Variants in FHIT observed in about 807,000 individuals in gnomAD.
The protein encoded by FHIT is bis(5'-adenosyl)-triphosphatase.
Under a neutral mutation model 17.9 loss-of-function variants are expected in FHIT, and 19 were observed. The ratio of observed to expected loss-of-function variants is 1.06; its 90% CI spans 0.74 to 1.56. FHIT has a LOEUF of 1.56. Among genes scored for constraint, FHIT ranks in the 40% most tolerant of loss-of-function variants. The pLI is 0.00. For missense variants in FHIT, 248 were observed against 189.2 expected, an observed-to-expected ratio of 1.31 and a Z score of -1.82; for synonymous variants, 81 against 69.7, an observed-to-expected ratio of 1.16 and a Z score of -0.81.
chr3:60,084,143 T>C (rs1703403218), intron 5 of FHIT, among the ~76,000 whole-genome samples: 1 of 152,160 alleles, frequency 6.6e-6, no homozygotes, highest in Non-Finnish European at 1.5e-5. Flanking sequence ...GAAAGGATAA[T>C]ACTGAAAGGT....
intron 3 of FHIT, among the ~76,000 whole-genome samples, chr3:60,873,060 G>A (rs1179552612): frequency 6.6e-6 from 1 of 152,042 alleles, no homozygotes; most frequent in Non-Finnish European, 1.5e-5. Flanking sequence ...AACTTGTAGG[G>A]TAGCATGCCA....
At chr3:60,135,706 C>T (rs1350369546) in intron 5 of FHIT, among the ~76,000 whole-genome samples, 1 of 152,110 alleles carries the variant, frequency 6.6e-6, no homozygotes, top group African/African-American at 2.4e-5. Flanking sequence ...CAGGAGCCTG[C>T]ACAACCCCAA....
At chr3:60,294,849 G>C (rs1053013300) in intron 5 of FHIT, among the ~76,000 whole-genome samples, 1 of 152,164 alleles carries the variant, frequency 6.6e-6, no homozygotes, top group African/African-American at 2.4e-5. Context: ...AGATTAAGCT[G>C]TATGTATCAA....
chr3:60,790,449 C>T (rs1553728184), intron 4 of FHIT, among the ~76,000 whole-genome samples: 1 of 152,210 alleles, frequency 6.6e-6, no homozygotes, highest in African/African-American at 2.4e-5. Flanking sequence ...ATTTTCAACT[C>T]TTCCAAAATA....
At chr3:60,113,500 A>G (rs988613609) in intron 5 of FHIT, among the ~76,000 whole-genome samples, 1 of 151,806 alleles carries the variant, frequency 6.6e-6, no homozygotes, top group African/African-American at 2.4e-5. Context: ...TACATCTACT[A>G]TGCGCCAGTC....
At chr3:60,879,670 A>C (rs1704863259) in intron 3 of FHIT, among the ~76,000 whole-genome samples, 1 of 152,102 alleles carries the variant, frequency 6.6e-6, no homozygotes, top group Non-Finnish European at 1.5e-5. Flanking sequence ...ATTCAACAAA[A>C]TCAGAAAAAG....
At chr3:59,943,422 A>G (rs1460829656) in intron 7 of FHIT, among the ~76,000 whole-genome samples, 1 of 152,198 alleles carries the variant, frequency 6.6e-6, no homozygotes, top group Non-Finnish European at 1.5e-5. Flanking sequence ...GAAGAAGAAC[A>G]TGAATACCTG....
chr3:60,371,734 T>C (rs575956633), intron 5 of FHIT, among the ~76,000 whole-genome samples: 8 of 152,212 alleles, frequency 5.3e-5, no homozygotes, highest in African/African-American at 1.9e-4. Context: ...CATTCATAAA[T>C]TGATTTTATG....
chr3:59,972,202 ATAAAG>A (rs1398190426), intron 7 of FHIT, among the ~76,000 whole-genome samples: 3 of 152,152 alleles, frequency 2.0e-5, no homozygotes, highest in African/African-American at 7.2e-5. Context: ...TTCAGAACAT[ATAAAG>A]TAAATACTCT....
chr3:60,124,575 T>C (rs1054947497), intron 5 of FHIT, among the ~76,000 whole-genome samples: 1 of 152,146 alleles, frequency 6.6e-6, no homozygotes, highest in African/African-American at 2.4e-5. Flanking sequence ...TTCTATACAC[T>C]ATATCAATAT....
At chr3:61,093,780 G>A (rs970427029) in intron 2 of FHIT, among the ~76,000 whole-genome samples, 6 of 152,194 alleles carry the variant, frequency 3.9e-5, no homozygotes, top group African/African-American at 1.4e-4. Context: ...AATCATTACA[G>A]ATGCCCACTG....
chr3:60,416,592 C>G (rs1462683353), intron 5 of FHIT, among the ~76,000 whole-genome samples: 1 of 152,074 alleles, frequency 6.6e-6, no homozygotes, highest in African/African-American at 2.4e-5. Context: ...ATCTAATTTT[C>G]TGGTGTCAAA....
At chr3:61,121,381 C>G (rs1247822685) in intron 2 of FHIT, among the ~76,000 whole-genome samples, 2 of 152,134 alleles carry the variant, frequency 1.3e-5, no homozygotes, top group Non-Finnish European at 2.9e-5. Flanking sequence ...CCCATCAGAC[C>G]AACAGCAGAT....
intron 2 of FHIT, among the ~76,000 whole-genome samples, chr3:61,190,323 T>C (rs2038673235): frequency 6.6e-6 from 1 of 152,014 alleles, no homozygotes; most frequent in South Asian, 2.1e-4. Flanking sequence ...AAAAGACACA[T>C]GAAAAAATGC....
At chr3:60,207,119 G>C (rs1326249524) in intron 5 of FHIT, among the ~76,000 whole-genome samples, 1 of 151,782 alleles carries the variant, frequency 6.6e-6, no homozygotes, top group Admixed American at 6.6e-5. Flanking sequence ...TCCTCATCCA[G>C]CAAAGTGCTA....
chr3:59,797,389 G>A (rs551126522), intron 8 of FHIT, among the ~76,000 whole-genome samples: 1 of 152,218 alleles, frequency 6.6e-6, no homozygotes, highest in South Asian at 2.1e-4. Context: ...GTTTTACTAT[G>A]TTGGCCAGGC....
chr3:60,533,782 T>C (rs2035875183), intron 5 of FHIT, among the ~76,000 whole-genome samples: 1 of 152,194 alleles, frequency 6.6e-6, no homozygotes, highest in Admixed American at 6.5e-5. Context: ...ATGAAGGTCC[T>C]TAAAAACTAT....
chr3:60,533,674 T>C (rs113041548), intron 5 of FHIT, among the ~76,000 whole-genome samples: 4 of 151,834 alleles, frequency 2.6e-5, no homozygotes, highest in African/African-American at 7.2e-5. Context: ...TGGGGAGGAA[T>C]CTCCAGTTGA....
Position 59,943,550 on chromosome 3 carries a change from T to C in FHIT, c.280-21136A>G, listed in dbSNP as rs558029665. On this transcript the variant is annotated intron_variant, in intron 7 of 9. Coordinates refer to ENST00000492590, the MANE Select transcript of FHIT (RefSeq NM_002012.4). ...AACTGCAAATGGAAGTAAGAACAAC[T>C]CAACTCTCCTTGTCTAATTACAGGG... Among the ~76,000 whole-genome samples, 47 of 152,192 alleles carry C rather than the reference T, an allele frequency of 3.1e-4. No individual in the cohort carries two copies. The South Asian group carries it at 9.3e-3, about 30-fold the overall frequency.
Sources: gnomAD v4.1 joint callset for allele counts (sites outside exome capture counted in the v4.1 genomes callset) on GRCh38, gnomAD v4.1.1 for gene constraint, MANE v1.5 for transcripts, NCBI Gene and HGNC (gene_info 2026-07-23, HGNC 2026-07-21) for gene names.